AXDND1: variants seen among roughly 807,000 people sequenced by gnomAD.
AXDND1 encodes axonemal dynein light chain domain-containing protein 1.
AXDND1 carries 110 observed loss-of-function variants against 137.5 expected under a neutral mutation model. That is an observed-to-expected ratio of 0.80 (90% CI 0.69 to 0.94). The LOEUF (loss-of-function observed/expected upper bound fraction) is 0.94. Ranked by LOEUF, AXDND1 falls within the 40% of genes least tolerant of loss-of-function variation. AXDND1 has a pLI of 0.00. For missense variants in AXDND1, 1,191 were observed against 1,169.8 expected, an observed-to-expected ratio of 1.02 and a Z score of -0.26; for synonymous variants, 414 against 399.7, an observed-to-expected ratio of 1.04 and a Z score of -0.43.
chr1:179,513,378 G>A (rs531253672), intron 21 of AXDND1, among the ~76,000 whole-genome samples: 4 of 152,090 alleles, frequency 2.6e-5, no homozygotes, highest in Admixed American at 1.3e-4. Flanking sequence ...ATTGACTTGT[G>A]TATGTTAAAC....
chr1:179,432,367 G>A, intron 15 of AXDND1, 25 bp downstream of exon 15: 1 of 1,537,904 alleles, frequency 6.5e-7, no homozygotes, highest in Non-Finnish European at 8.8e-7. Context: ...TAAAGAGCTT[G>A]GCAATCAAAG....
rs556189644 is a variant in AXDND1, at chr1:179,462,475, G to A, written c.1799-5968G>A. 1.4e-4 allele frequency among the ~76,000 whole-genome samples: 21 copies of A among 146,034 alleles called. No individual in the cohort carries two copies. The South Asian group carries it at 3.8e-3, about 26-fold the overall frequency. Reference sequence around the variant, plus strand: ...GTATTTTATTGAGGATTTTTGCATCGATGTTATCAGGGATATTGGTCTAAA... The same window carrying A: ...GTATTTTATTGAGGATTTTTGCATCAATGTTATCAGGGATATTGGTCTAAA... On this transcript the variant is annotated intron_variant, in intron 16 of 25. Coordinates refer to ENST00000367618, the MANE Select transcript of AXDND1 (RefSeq NM_144696.6).
chr1:179,393,810 G>C (rs1650578490), intron 9 of AXDND1, 93 bp from the exon 10 acceptor site: 1 of 1,121,250 alleles, frequency 8.9e-7, no homozygotes, highest in South Asian at 1.9e-5. Context: ...GTGTATAGCA[G>C]TGCTACTGAT....
chr1:179,448,469 A>G, intron 16 of AXDND1: 1 of 467,924 alleles, frequency 2.1e-6, no homozygotes, highest in Admixed American at 3.2e-5. Flanking sequence ...ATTTCCTTAT[A>G]TTCCAAATAT....
chr1:179,525,264 A>T, intron 21 of AXDND1, 70 bp from the exon 22 acceptor site: 1 of 1,445,444 alleles, frequency 6.9e-7, no homozygotes, highest in Non-Finnish European at 9.3e-7. Context: ...AGTGCTCATT[A>T]AATATTTTGA....
chr1:179,527,379 A>G (rs1256146294), intron 22 of AXDND1, among the ~76,000 whole-genome samples: 1 of 151,978 alleles, frequency 6.6e-6, no homozygotes, highest in Non-Finnish European at 1.5e-5. Context: ...TTTTGTGCTG[A>G]CCTTTTGTCT....
At chr1:179,426,822 T>C (rs868006123) in intron 12 of AXDND1, among the ~76,000 whole-genome samples, 5 of 152,152 alleles carry the variant, frequency 3.3e-5, no homozygotes, top group African/African-American at 1.2e-4. Context: ...TTTAGAATAA[T>C]ATAAAAGGAT....
intron 4 of AXDND1, among the ~76,000 whole-genome samples, chr1:179,372,873 G>A (rs774020642): frequency 2.0e-5 from 3 of 152,134 alleles, no homozygotes; most frequent in South Asian, 2.1e-4. Context: ...ATTAGAGACC[G>A]GGTTTCTCCA....
intron 15 of AXDND1, among the ~76,000 whole-genome samples, chr1:179,437,494 A>G (rs753382687): frequency 3.3e-5 from 5 of 152,278 alleles, no homozygotes; most frequent in Middle Eastern, 3.4e-3. Flanking sequence ...CCTTCATGAT[A>G]AAGTTTGCTG....
chr1:179,518,427 G>C (rs1669757212), intron 21 of AXDND1, among the ~76,000 whole-genome samples: 1 of 148,882 alleles, frequency 6.7e-6, no homozygotes, highest in Admixed American at 6.7e-5. Flanking sequence ...TACATGTGCA[G>C]GTTTGTCACA....
intron 17 of AXDND1, among the ~76,000 whole-genome samples, chr1:179,473,503 A>T (rs927348153): frequency 1.3e-5 from 2 of 152,218 alleles, no homozygotes; most frequent in Non-Finnish European, 2.9e-5. Context: ...TGTCTCAAAA[A>T]AAAAGAATTA....
rs940385190 is a variant in AXDND1 at position 179,445,422 on chromosome 1, C to T, written c.1798+218C>T. Reference sequence around the variant, plus strand: ...ATAATTCAGTGATTTTTATTATATTCACAGATGTGTGCATCTATTACCACA... The same window carrying T: ...ATAATTCAGTGATTTTTATTATATTTACAGATGTGTGCATCTATTACCACA... On this transcript the variant is annotated intron_variant, in intron 16 of 25. Transcript: ENST00000367618. Among the ~76,000 whole-genome samples the T allele has an allele frequency of 3.9e-5, 6 of 152,152 alleles. No individual in the cohort carries two copies. In the South Asian group the frequency reaches 1.2e-3, roughly 32 times the overall value.
chr1:179,401,263 A>G (rs1473694462), intron 11 of AXDND1, among the ~76,000 whole-genome samples: 14 of 151,216 alleles, frequency 9.3e-5, no homozygotes, highest in Admixed American at 6.6e-5. Flanking sequence ...CATCTCAAAA[A>G]AAAAAAAAAA....
intron 23 of AXDND1, among the ~76,000 whole-genome samples, chr1:179,531,695 C>T (rs1168812814): frequency 6.6e-6 from 1 of 152,056 alleles, no homozygotes; most frequent in African/African-American, 2.4e-5. Flanking sequence ...GAACTGAATC[C>T]CAAGGAGCAG....
chr1:179,408,562 G>A (rs1653342962), intron 11 of AXDND1, among the ~76,000 whole-genome samples: 1 of 152,064 alleles, frequency 6.6e-6, no homozygotes, highest in Admixed American at 6.6e-5. Context: ...TGTACTTTTA[G>A]TAGGATGGGT....
At chr1:179,461,408 A>G (rs993207436) in intron 16 of AXDND1, among the ~76,000 whole-genome samples, 3 of 151,978 alleles carry the variant, frequency 2.0e-5, no homozygotes, top group Non-Finnish European at 2.9e-5. Context: ...CCATTGGTCT[A>G]TATATCTGTT....
chr1:179,465,203 A>G (rs1662953525), intron 16 of AXDND1, among the ~76,000 whole-genome samples: 1 of 152,086 alleles, frequency 6.6e-6, no homozygotes, highest in Admixed American at 6.5e-5. Context: ...AGATGCTCTG[A>G]TTTTTAGAAT....
intron 13 of AXDND1, among the ~76,000 whole-genome samples, 197 bp downstream of exon 13, chr1:179,429,816 T>TA (rs1657114283): frequency 1.3e-5 from 2 of 151,636 alleles, no homozygotes; most frequent in Non-Finnish European, 1.5e-5. Context: ...TTAAAGCAAT[T>TA]TATTTAAGTT....
In AXDND1 at chr1:179,491,564, C is replaced by T. The variant is rs776634429; in HGVS notation, c.2118C>T (p.Ile706=). Residue 706 remains isoleucine (I), a synonymous_variant, in exon 19 of 26, where the codon ATC becomes ATT. Coordinates refer to ENST00000367618, the MANE Select transcript of AXDND1 (RefSeq NM_144696.6). ...HHMDELHISM[I]QWMVNLLILM... ...TGGATGAGTTACATATATCTATGAT[C>T]CAGTGGATGGTAAACTTGCTGATTT... The T allele has an allele frequency of 1.2e-6, 2 of 1,609,352 alleles. No homozygotes were observed. Among genetic ancestry groups the T allele is most frequent in the Non-Finnish European group, 1.7e-6 (2 of 1,175,910 alleles).
Sources: allele counts gnomAD v4.1 joint callset (sites outside exome capture counted in the v4.1 genomes callset), GRCh38; gene constraint gnomAD v4.1.1; transcripts MANE v1.5; gene names NCBI Gene and HGNC (gene_info 2026-07-23, HGNC 2026-07-21).